AGO2: variants seen among roughly 807,000 people sequenced by gnomAD.
AGO2 encodes the protein protein argonaute-2.
A neutral mutation model predicts 102.3 loss-of-function variants in AGO2; 5 were observed. That is an observed-to-expected ratio of 0.05 (90% CI 0.03 to 0.10). The LOEUF is 0.10. AGO2 is among the 10% of genes least tolerant of loss of function. The probability of loss-of-function intolerance (pLI) is 1.00; values close to 1 mark genes in which losing one functional copy is unlikely to be tolerated. For synonymous variants in AGO2, 449 were observed against 473.1 expected, an observed-to-expected ratio of 0.95 and a Z score of 0.66; for missense variants, 541 against 1,183.7, an observed-to-expected ratio of 0.46 and a Z score of 7.97.
At chr8:140,553,259 C>G (rs1202544125) in intron 10 of AGO2, among the ~76,000 whole-genome samples, 1 of 151,866 alleles carries the variant, frequency 6.6e-6, no homozygotes, top group Admixed American at 6.6e-5. Flanking sequence ...GGTGGTGTGG[C>G]TGTGGTCCCA....
rs2072439161 is a variant in AGO2 at position 140,522,750 on chromosome 8, G to GT, written c.*9293dup. On this transcript the variant is annotated 3_prime_UTR_variant, in exon 19 of 19. Coordinates refer to ENST00000220592, the MANE Select transcript of AGO2 (RefSeq NM_012154.5). ...GGGAGAGAGAGAGAGAGAGAGAGAG[G>GT]TGTATCACTGAATGCTTCCCTTTAA... 3 of 105,514 alleles carry GT rather than the reference G, an allele frequency of 2.8e-5. No homozygotes were observed. The highest frequency in any genetic ancestry group is 5.9e-5 in the Non-Finnish European group (3 of 50,438). The allele number at this position is 105,514 out of a possible 1,614,324, so 6.5% of individuals were successfully genotyped here.
chr8:140,585,664 T>TG (rs2073645128), intron 1 of AGO2, among the ~76,000 whole-genome samples: 1 of 152,242 alleles, frequency 6.6e-6, no homozygotes, highest in South Asian at 2.1e-4. Context: ...GCTCGTTTAC[T>TG]CAGGAAGCGC....
chr8:140,530,315 G>A lies in AGO2; in HGVS notation c.*1729C>T, dbSNP rs1047996896. On this transcript the variant is annotated 3_prime_UTR_variant, in exon 19 of 19. Coordinates refer to ENST00000220592, the MANE Select transcript of AGO2 (RefSeq NM_012154.5). ...AGCAGCTGAGCACAAAGGTGGGGGGGGGGGTGCCGCTGAGCAGGAGGCAGC... is the reference window on the plus strand; with the variant it reads ...AGCAGCTGAGCACAAAGGTGGGGGGAGGGGTGCCGCTGAGCAGGAGGCAGC... The A allele has an allele frequency of 6.6e-6, 1 of 152,210 alleles. No individual in the cohort carries two copies. Among genetic ancestry groups the A allele is most frequent in the African/African-American group, 2.4e-5 (1 of 41,426 alleles). The allele number at this position is 152,210 out of a possible 1,614,324, so 9.4% of individuals were successfully genotyped here. A position where few individuals can be genotyped will look rare whatever the true frequency, so the allele number is the denominator to read the frequency against.
In AGO2 at chr8:140,609,500, C is replaced by T. The variant is rs535742988; in HGVS notation, c.23-24189G>A. Among the ~76,000 whole-genome samples the T allele has an allele frequency of 1.2e-3, 182 of 152,342 alleles. 2 individuals are homozygous for T. Among genetic ancestry groups the T allele is most frequent in the Admixed American group, 6.5e-3 (100 of 15,308 alleles). ...CGCCCATCACCCCGTGCACTGCTCC[C>T]GCACCGGCCTCGTCATCAATTCTTC... On this transcript the variant is annotated intron_variant, in intron 1 of 18. Coordinates refer to ENST00000220592, the MANE Select transcript of AGO2 (RefSeq NM_012154.5).
upstream of AGO2, chr8:140,636,171 C>T (rs978235611): frequency 6.6e-6 from 1 of 152,078 alleles, no homozygotes; most frequent in Non-Finnish European, 1.5e-5. Flanking sequence ...CCTCCCAGCC[C>T]GGAGCTTGAA....
At chr8:140,533,181 A>T (rs953741574) in intron 17 of AGO2, among the ~76,000 whole-genome samples, 2 of 149,372 alleles carry the variant, frequency 1.3e-5, no homozygotes, top group Non-Finnish European at 3.0e-5. Context: ...CAAGGTCAGG[A>T]GATCGAGACC....
chr8:140,587,051 G>A (rs574652322), intron 1 of AGO2, among the ~76,000 whole-genome samples: 41 of 152,254 alleles, frequency 2.7e-4, no homozygotes, highest in East Asian at 1.5e-3. Flanking sequence ...CTGCTGGGCC[G>A]GCTCCAAACC....
At chr8:140,639,170 GT>G (rs1156844223), upstream of AGO2, among the ~76,000 whole-genome samples, 1 of 152,058 alleles carries the variant, frequency 6.6e-6, no homozygotes, top group Non-Finnish European at 1.5e-5. Context: ...GCCCAGACTG[GT>G]TTTTTGTTTT....
At position 140,560,479 on chromosome 8, in the gene AGO2, C is replaced by A; in HGVS notation, c.550G>T (p.Ala184Ser). The change falls in exon 5 of 19, where the codon GCG becomes TCG. Residue 184 changes from alanine to serine, a missense_variant. This residue lies in a region of AGO2 where 26 missense variants were observed against 52.0 expected (regional missense o/e 0.50). Transcript: ENST00000220592. ...YTPVGRSFFT[A>S]SEGCSNPLGG... Reference sequence around the variant, plus strand: ...AGAGGGTTAGAGCAGCCTTCGGACGCGGTGAAGAAGGAGCGGCCCACGGGG... The same window carrying A: ...AGAGGGTTAGAGCAGCCTTCGGACGAGGTGAAGAAGGAGCGGCCCACGGGG... 1 of 1,614,158 alleles carries A rather than the reference C, an allele frequency of 6.2e-7. No individual in the cohort carries two copies. Among genetic ancestry groups the A allele is most frequent in the Non-Finnish European group, 8.5e-7 (1 of 1,180,016 alleles).
At chr8:140,558,273 C>G (rs1458638982) in intron 7 of AGO2, among the ~76,000 whole-genome samples, 7 of 152,208 alleles carry the variant, frequency 4.6e-5, no homozygotes, top group African/African-American at 1.7e-4. Flanking sequence ...GCCGGCCCTT[C>G]TAGCACCCAG....
Position 140,530,133 on chromosome 8 carries a change from C to T in AGO2, c.*1911G>A, listed in dbSNP as rs1564068303. ...AGAGACTAATGCCATTAATAAGACA[C>T]TCACACACAGGGACACACGCATGCA... is the stretch of plus-strand genomic sequence containing the variant. On this transcript the variant is annotated 3_prime_UTR_variant, in exon 19 of 19. Transcript: ENST00000220592. The T allele has an allele frequency of 7.0e-6, 1 of 143,844 alleles. No individual in the cohort carries two copies. The highest frequency in any genetic ancestry group is 6.8e-5 in the Admixed American group (1 of 14,666). The allele number at this position is 143,844 out of a possible 1,614,324, so 8.9% of individuals were successfully genotyped here. A position where few individuals can be genotyped will look rare whatever the true frequency, so the allele number is the denominator to read the frequency against.
chr8:140,605,189 G>T (rs148839240), intron 1 of AGO2, among the ~76,000 whole-genome samples: 16 of 152,204 alleles, frequency 1.1e-4, no homozygotes, highest in Middle Eastern at 3.4e-3. Context: ...CCGCCTCCCG[G>T]GCTCAAGCAA....
upstream of AGO2, among the ~76,000 whole-genome samples, chr8:140,638,846 G>T (rs1425879368): frequency 6.6e-6 from 1 of 152,120 alleles, no homozygotes; most frequent in Non-Finnish European, 1.5e-5. Context: ...AAAGTGCTGG[G>T]ATTACAGGCA....
intron 1 of AGO2, among the ~76,000 whole-genome samples, chr8:140,593,562 A>C (rs1055130093): frequency 4.5e-4 from 69 of 152,096 alleles, no homozygotes; most frequent in African/African-American, 1.5e-3. Context: ...AAAAAAAAAA[A>C]AAAAAAAAAC....
intron 2 of AGO2, among the ~76,000 whole-genome samples, chr8:140,580,589 TC>T (rs893319512): frequency 2.0e-5 from 3 of 151,988 alleles, no homozygotes; most frequent in African/African-American, 7.3e-5. Context: ...ACCATCCACC[TC>T]CCCACTGGGG....
chr8:140,607,482 A>G (rs2074016846), intron 1 of AGO2, among the ~76,000 whole-genome samples: 1 of 28,712 alleles, frequency 3.5e-5, no homozygotes, highest in East Asian at 7.3e-4. Flanking sequence ...ATATATATAT[A>G]TATATATATA....
intron 3 of AGO2, 35 bp from the exon 4 acceptor site, chr8:140,562,669 C>G: frequency 1.1e-5 from 18 of 1,597,150 alleles, no homozygotes; most frequent in Non-Finnish European, 1.5e-5. Flanking sequence ...GTTACTCCCT[C>G]CTGCGAAGCC....
At chr8:140,609,858 T>C (rs1277585542) in intron 1 of AGO2, among the ~76,000 whole-genome samples, 6 of 146,410 alleles carry the variant, frequency 4.1e-5, no homozygotes, top group Non-Finnish European at 7.5e-5. Context: ...CAGACTACAA[T>C]GGCCAGGCAC....
At chr8:140,548,473 AC>A (rs1310981172) in intron 12 of AGO2, among the ~76,000 whole-genome samples, 4 of 151,720 alleles carry the variant, frequency 2.6e-5, no homozygotes, top group Non-Finnish European at 5.9e-5. Context: ...CCACGGACCC[AC>A]CCCCCGCTAT....
Sources: allele counts gnomAD v4.1 joint callset (sites outside exome capture counted in the v4.1 genomes callset), GRCh38; gene constraint gnomAD v4.1.1; regional missense constraint gnomAD v4.1.1; transcripts MANE v1.5; gene names NCBI Gene and HGNC (gene_info 2026-07-23, HGNC 2026-07-21).